Variants in LPP observed in about 807,000 individuals in gnomAD.
LPP encodes the protein lipoma-preferred partner.
Under a neutral mutation model 60.4 loss-of-function variants are expected in LPP, and 38 were observed. The observed-to-expected ratio is 0.63, with a 90% CI of 0.49 to 0.83. LPP has a LOEUF of 0.83. LPP is among the 40% of genes least tolerant of loss of function. The probability of loss-of-function intolerance (pLI) is 0.00; values close to 1 mark genes in which losing one functional copy is unlikely to be tolerated. For synonymous variants in LPP, 328 were observed against 290.8 expected, an observed-to-expected ratio of 1.13 and a Z score of -1.30; for missense variants, 902 against 783.6, an observed-to-expected ratio of 1.15 and a Z score of -1.80.
At chr3:188,260,984 A>G (rs1733415946) in intron 2 of LPP, among the ~76,000 whole-genome samples, 1 of 152,098 alleles carries the variant, frequency 6.6e-6, no homozygotes, top group Admixed American at 6.6e-5. Context: ...CTGTCAGGAG[A>G]ATCCCTTGAA....
In LPP at chr3:188,866,324, T is replaced by A. The variant is rs763894797; in HGVS notation, c.1535T>A (p.Ile512Asn). ...ATGTGCCACCGCAGCCTGGATGGGA[T>A]CCCATTCACTGTGGATGCTGGCGGG... is the stretch of plus-strand genomic sequence containing the variant. ...CVMCHRSLDGIPFTVDAGGLI... is the reference protein window; with the variant it reads ...CVMCHRSLDGNPFTVDAGGLI... The change falls in exon 10 of 12, where the codon ATC (isoleucine) becomes AAC (asparagine). Residue 512 changes from isoleucine to asparagine, a missense_variant. Transcript: ENST00000617246. 2 of 1,583,864 alleles carry A rather than the reference T, an allele frequency of 1.3e-6. No individual in the cohort carries two copies. Among genetic ancestry groups the A allele is most frequent in the East Asian group, 4.7e-5 (2 of 42,652 alleles).
intron 7 of LPP, among the ~76,000 whole-genome samples, chr3:188,703,137 A>G (rs371562741): frequency 2.0e-4 from 30 of 152,328 alleles, no homozygotes; most frequent in South Asian, 1.7e-3. Flanking sequence ...AAACATGAGG[A>G]ATTAATATGC....
At chr3:188,733,253 A>G (rs370761129) in intron 8 of LPP, among the ~76,000 whole-genome samples, 83 of 151,692 alleles carry the variant, frequency 5.5e-4, no homozygotes, top group Admixed American at 2.8e-3. Flanking sequence ...AAAAGTTCTC[A>G]ACCTATCTTA....
intron 4 of LPP, among the ~76,000 whole-genome samples, chr3:188,446,673 A>G (rs1578958666): frequency 6.6e-6 from 1 of 151,930 alleles, no homozygotes; most frequent in African/African-American, 2.4e-5. Flanking sequence ...CATTGCTTTC[A>G]TTGTTGTTCT....
intron 6 of LPP, among the ~76,000 whole-genome samples, chr3:188,589,540 A>AATAG (rs990557699): frequency 6.6e-6 from 1 of 152,250 alleles, no homozygotes; most frequent in African/African-American, 2.4e-5. Flanking sequence ...GTTAAAGCCC[A>AATAG]ATAGATGTAT....
intron 3 of LPP, among the ~76,000 whole-genome samples, chr3:188,405,192 T>C (rs1783161628): frequency 6.6e-6 from 1 of 152,224 alleles, no homozygotes; most frequent in Non-Finnish European, 1.5e-5. Flanking sequence ...GTCCCAGACG[T>C]TGGGGCAACC....
chr3:188,345,361 T>A (rs1255484863), intron 3 of LPP, among the ~76,000 whole-genome samples: 1 of 152,148 alleles, frequency 6.6e-6, no homozygotes, highest in African/African-American at 2.4e-5. Flanking sequence ...AGACTGTGGA[T>A]TCCCTTGCAG....
chr3:188,390,577 C>A lies in LPP; in HGVS notation c.-9-15535C>A, dbSNP rs75774025. Among the ~76,000 whole-genome samples the A allele has an allele frequency of 1.2e-4, 18 of 151,148 alleles. No homozygotes were observed. The East Asian group carries it at 3.5e-3, about 29-fold the overall frequency. On this transcript the variant is annotated intron_variant, in intron 3 of 11. Coordinates refer to ENST00000617246, the MANE Select transcript of LPP (RefSeq NM_001375462.1). ...GCCCTGGCCTGCAGCCACTGCTGGACCGGGTGCCAGAACTGGGTTTAGACG... is the reference window on the plus strand; with the variant it reads ...GCCCTGGCCTGCAGCCACTGCTGGAACGGGTGCCAGAACTGGGTTTAGACG...
intron 3 of LPP, among the ~76,000 whole-genome samples, chr3:188,371,627 A>ATG (rs1773123883): frequency 4.1e-5 from 1 of 24,310 alleles, no homozygotes; most frequent in Admixed American, 6.8e-4. Context: ...ATATATATAT[A>ATG]TATATATATA....
At chr3:188,438,194 T>C (rs372484777) in intron 4 of LPP, among the ~76,000 whole-genome samples, 1 of 151,980 alleles carries the variant, frequency 6.6e-6, no homozygotes, top group Non-Finnish European at 1.5e-5. Context: ...AACAGACAGG[T>C]TGGTTAGAAT....
intron 6 of LPP, among the ~76,000 whole-genome samples, chr3:188,528,957 T>G (rs1821418444): frequency 6.6e-6 from 1 of 152,204 alleles, no homozygotes; most frequent in African/African-American, 2.4e-5. Flanking sequence ...GTAATAGCCA[T>G]TAAGTAGAAT....
At chr3:188,189,467 G>A (rs956379103) in intron 1 of LPP, among the ~76,000 whole-genome samples, 4 of 152,156 alleles carry the variant, frequency 2.6e-5, no homozygotes, top group African/African-American at 9.7e-5. Flanking sequence ...GGGCCACGCT[G>A]TGGTTTCTGA....
intron 1 of LPP, among the ~76,000 whole-genome samples, chr3:188,214,087 A>G (rs920706506): frequency 6.7e-6 from 1 of 149,582 alleles, no homozygotes; most frequent in Non-Finnish European, 1.5e-5. Context: ...ATCAGGAGTA[A>G]CTCTTTGTAG....
At chr3:188,406,422 C>A (rs1045503735) in intron 4 of LPP, 109 bp downstream of exon 4, 3 of 1,013,434 alleles carry the variant, frequency 3.0e-6, no homozygotes, top group African/African-American at 3.2e-5. Flanking sequence ...GAATTCACAG[C>A]GTGGGTGTCA....
In LPP at chr3:188,172,360, A is replaced by G. The variant is rs1016427472; in HGVS notation, c.-190+18108A>G. Among the ~76,000 whole-genome samples the G allele has an allele frequency of 2.6e-5, 4 of 152,318 alleles. No individual in the cohort carries two copies. The South Asian group carries it at 6.2e-4, about 24-fold the overall frequency. On this transcript the variant is annotated intron_variant, in intron 1 of 11. Coordinates refer to ENST00000617246, the MANE Select transcript of LPP (RefSeq NM_001375462.1). ...AGTATTTTTAGGCCTCTGTTGCCTC[A>G]TCCATAAAATAATAATAAGAAAATT... is the stretch of plus-strand genomic sequence containing the variant.
intron 4 of LPP, among the ~76,000 whole-genome samples, chr3:188,463,102 C>G (rs745511357): frequency 3.3e-5 from 5 of 152,106 alleles, no homozygotes; most frequent in Non-Finnish European, 7.4e-5. Flanking sequence ...AAGACTGTCT[C>G]CAAAAACAAC....
At chr3:188,790,687 T>C (rs1743388981) in intron 9 of LPP, among the ~76,000 whole-genome samples, 1 of 151,880 alleles carries the variant, frequency 6.6e-6, no homozygotes, top group South Asian at 2.1e-4. Flanking sequence ...TCGGGTGTGG[T>C]GGCGGGCACC....
rs1260289232 is a variant in LPP at position 188,607,400 on chromosome 3, TATATATATATATATATAA to T, written c.430-1760_430-1743del. Among the ~76,000 whole-genome samples, 116 of 55,554 alleles carry T rather than the reference TATATATATATATATATAA, an allele frequency of 2.1e-3. 3 individuals carry two copies. The highest frequency in any genetic ancestry group is 4.0e-3 in the Non-Finnish European group (74 of 18,592). The allele number at this position is 55,554 out of a possible 152,430, so 36.4% of individuals were successfully genotyped here. On this transcript the variant is annotated intron_variant, in intron 6 of 11. Coordinates refer to ENST00000617246, the MANE Select transcript of LPP (RefSeq NM_001375462.1). ...ATATATATATATATATATATATATATATATATATATATATATAATTTTTTTTTCCTTTGCAGTTTTACG... is the reference window on the plus strand; with the variant it reads ...ATATATATATATATATATATATATATTTTTTTTTTCCTTTGCAGTTTTACG...
chr3:188,688,800 C>T (rs1466099417), intron 7 of LPP: 2 of 531,760 alleles, frequency 3.8e-6, no homozygotes, highest in Admixed American at 2.0e-5. Flanking sequence ...CCTCAAGGAG[C>T]TCACAGTCTA....
Sources: gnomAD v4.1 joint callset for allele counts (sites outside exome capture counted in the v4.1 genomes callset) on GRCh38, gnomAD v4.1.1 for gene constraint, MANE v1.5 for transcripts, NCBI Gene and HGNC (gene_info 2026-07-23, HGNC 2026-07-21) for gene names.